XRN1: variants seen among roughly 807,000 people sequenced by gnomAD.
The protein encoded by XRN1 is strand-exchange protein 1 homolog.
XRN1 carries 67 observed loss-of-function variants against 222.3 expected under a neutral mutation model. The observed-to-expected ratio is 0.30, with a 90% CI of 0.25 to 0.37. XRN1 has a LOEUF of 0.37. XRN1 is among the 10% of genes least tolerant of loss of function. XRN1 has a pLI of 1.00. For synonymous variants in XRN1, 643 were observed against 652.4 expected, an observed-to-expected ratio of 0.99 and a Z score of 0.22; for missense variants, 1,707 against 2,000.2, an observed-to-expected ratio of 0.85 and a Z score of 2.80.
chr3:142,422,260 A>G (rs2069065417), intron 8 of XRN1, among the ~76,000 whole-genome samples: 1 of 152,134 alleles, frequency 6.6e-6, no homozygotes, highest in Non-Finnish European at 1.5e-5. Flanking sequence ...GCTTGAATCC[A>G]GAAGGCAAAC....
At chr3:142,377,394 T>C (rs143495370) in intron 23 of XRN1, among the ~76,000 whole-genome samples, 2 of 152,278 alleles carry the variant, frequency 1.3e-5, no homozygotes, top group Admixed American at 1.3e-4. Flanking sequence ...AAATCAAGTA[T>C]GCTTTCCAGA....
chr3:142,323,033 T>C (rs778349361), intron 37 of XRN1, among the ~76,000 whole-genome samples: 2 of 152,166 alleles, frequency 1.3e-5, no homozygotes, highest in Non-Finnish European at 2.9e-5. Context: ...TTGCCCAGGC[T>C]GATCTCAAAC....
intron 27 of XRN1, among the ~76,000 whole-genome samples, chr3:142,369,995 C>T (rs923228019): frequency 1.5e-4 from 22 of 149,996 alleles, no homozygotes; most frequent in African/African-American, 4.2e-4. Context: ...TGCAGTGAGC[C>T]GAGATCCTGC....
At chr3:142,390,187 C>T (rs1194301619) in intron 20 of XRN1, among the ~76,000 whole-genome samples, 2 of 152,184 alleles carry the variant, frequency 1.3e-5, no homozygotes, top group East Asian at 1.9e-4. Context: ...CAATGAGCAC[C>T]GGGTTCAACT....
chr3:142,447,884 C>T lies in XRN1; in HGVS notation c.61G>A (p.Val21Met). ...SERYPCLSEV[V>M]KEHQIPEFDN... ...CGCTCACCCACCTGATGCTCTTTCA[C>T]CACTTCGCTGAGACAGGGATACCGC... The change falls in exon 1 of 41, where the codon GTG (valine) becomes ATG (methionine). Residue 21 changes from valine to methionine, a missense_variant. By Grantham distance (21) the Val-to-Met change is conservative (BLOSUM62 1). Around this residue, in one of 2 missense-constraint regions of XRN1, gnomAD observed 1,234 missense variants for 1,518.2 expected, o/e 0.81. Transcript: ENST00000392981. This position sits in a 1 kb window ranked among gnomAD's most constrained non-coding sequence, Gnocchi z 4.2. 1 of 1,613,810 alleles carries T rather than the reference C, an allele frequency of 6.2e-7. No individual in the cohort carries two copies. Among genetic ancestry groups the T allele is most frequent in the Non-Finnish European group, 8.5e-7 (1 of 1,179,926 alleles).
chr3:142,421,214 T>C (rs1245796329), intron 9 of XRN1, 61 bp from the exon 10 acceptor site: 2 of 1,423,150 alleles, frequency 1.4e-6, no homozygotes, highest in African/African-American at 2.9e-5. Context: ...AGAATACAAA[T>C]CAAACTTAAA....
At chr3:142,432,028 T>C (rs2069623142) in intron 2 of XRN1, among the ~76,000 whole-genome samples, 1 of 88,390 alleles carries the variant, frequency 1.1e-5, no homozygotes, top group African/African-American at 5.0e-5. Flanking sequence ...TTTTAATATA[T>C]ATAATCTTTT....
chr3:142,404,283 T>C (rs2068259073), intron 16 of XRN1, among the ~76,000 whole-genome samples: 1 of 152,162 alleles, frequency 6.6e-6, no homozygotes, highest in Non-Finnish European at 1.5e-5. Context: ...CTCTATATCC[T>C]CCATGTTCCA....
At chr3:142,328,097 C>T (rs1246822874) in intron 37 of XRN1, among the ~76,000 whole-genome samples, 1 of 152,160 alleles carries the variant, frequency 6.6e-6, no homozygotes, top group Non-Finnish European at 1.5e-5. Flanking sequence ...GTTGATTCTA[C>T]ATCTTGGCTA....
intron 25 of XRN1, 63 bp downstream of exon 25, chr3:142,375,735 G>T: frequency 6.9e-7 from 1 of 1,454,080 alleles, no homozygotes; most frequent in South Asian, 1.4e-5. Flanking sequence ...TATCAGGAAG[G>T]CAAAATAAAC....
In XRN1 at chr3:142,370,871, C is replaced by T. The variant is rs368285839; in HGVS notation, c.3069-251G>A. ...CTCTTAAAGCAAAAATGAAACAATGCAAAAAAACAAAACAAAACAAAACAA... is the reference window on the plus strand; with the variant it reads ...CTCTTAAAGCAAAAATGAAACAATGTAAAAAAACAAAACAAAACAAAACAA... On this transcript the variant is annotated intron_variant, in intron 26 of 40. Transcript: ENST00000392981. Among the ~76,000 whole-genome samples the T allele has an allele frequency of 4.0e-5, 6 of 150,516 alleles. No homozygotes were observed. In the East Asian group the frequency reaches 7.8e-4, roughly 20 times the overall value.
chr3:142,356,255 A>G (rs1396581188), intron 31 of XRN1, among the ~76,000 whole-genome samples: 1 of 152,220 alleles, frequency 6.6e-6, no homozygotes, highest in Non-Finnish European at 1.5e-5. Context: ...CTCTGGAAAA[A>G]TAGGCACCAA....
In XRN1 at chr3:142,361,582, C is replaced by G. The variant is rs556035675; in HGVS notation, c.3395-1651G>C. 7.9e-5 allele frequency among the ~76,000 whole-genome samples: 12 copies of G among 152,272 alleles called. No homozygotes were observed. In the South Asian group the frequency reaches 2.3e-3, roughly 29 times the overall value. On this transcript the variant is annotated intron_variant, in intron 29 of 40. Transcript: ENST00000392981. Reference sequence around the variant, plus strand: ...GCAATATAGGAGAGTTCTAGTTGCCCTATATCATTGTCAACACTTGGTATA... The same window carrying G: ...GCAATATAGGAGAGTTCTAGTTGCCGTATATCATTGTCAACACTTGGTATA...
chr3:142,399,262 A>G (rs1270417471), intron 19 of XRN1, among the ~76,000 whole-genome samples: 13 of 151,194 alleles, frequency 8.6e-5, no homozygotes, highest in Non-Finnish European at 1.8e-4. Flanking sequence ...AAAAAAGTGA[A>G]GTTGAAGGAA....
intron 32 of XRN1, among the ~76,000 whole-genome samples, chr3:142,349,038 C>T (rs1257495998): frequency 2.0e-5 from 3 of 152,044 alleles, no homozygotes; most frequent in East Asian, 1.9e-4. Context: ...CTGCAACCTT[C>T]GACTCCTGGG....
intron 39 of XRN1, among the ~76,000 whole-genome samples, chr3:142,315,827 T>C (rs2065198340): frequency 6.6e-6 from 1 of 152,202 alleles, no homozygotes; most frequent in African/African-American, 2.4e-5. Flanking sequence ...AAAAAGATTT[T>C]CAACAGAAAA....
intron 29 of XRN1, among the ~76,000 whole-genome samples, chr3:142,364,640 CTAAG>C (rs1260647283): frequency 6.6e-6 from 1 of 152,000 alleles, no homozygotes; most frequent in Non-Finnish European, 1.5e-5. Context: ...ATCTCAGAAA[CTAAG>C]TGATTACAAT....
chr3:142,383,162 T>C, intron 22 of XRN1, 138 bp downstream of exon 22: 1 of 705,704 alleles, frequency 1.4e-6, no homozygotes. Context: ...AGTCAAACAC[T>C]GTGTTCATAA....
chr3:142,428,051 G>A (rs115559052), intron 2 of XRN1, among the ~76,000 whole-genome samples: 1,633 of 152,168 alleles, frequency 0.011, 22 homozygotes, highest in African/African-American at 0.036. Flanking sequence ...CTGACCAAAC[G>A]ATTATTCAAT....
Sources: gnomAD v4.1 joint callset for allele counts (sites outside exome capture counted in the v4.1 genomes callset) on GRCh38, gnomAD v4.1.1 for gene constraint, gnomAD v4.1.1 regional missense constraint, Gnocchi (gnomAD v3.1) non-coding constraint, MANE v1.5 for transcripts, NCBI Gene and HGNC (gene_info 2026-07-23, HGNC 2026-07-21) for gene names.